The following PTK2B variants were observed in gnomAD, a reference collection of about 807,000 sequenced individuals.
PTK2B encodes protein-tyrosine kinase 2-beta.
In PTK2B, 71 loss-of-function variants were observed where a neutral mutation model predicts 142.9. The ratio of observed to expected loss-of-function variants is 0.50; its 90% CI spans 0.41 to 0.61. PTK2B has a LOEUF of 0.61. Ranked by LOEUF, PTK2B falls within the 20% of genes least tolerant of loss-of-function variation. PTK2B has a pLI of 0.00. For missense variants in PTK2B, 1,105 were observed against 1,320.4 expected, an observed-to-expected ratio of 0.84 and a Z score of 2.53; for synonymous variants, 519 against 503.4, an observed-to-expected ratio of 1.03 and a Z score of -0.42.
rs202112370 is a variant in PTK2B, at chr8:27,403,785, CTCT to C, written c.204+6005_204+6007del. Among the ~76,000 whole-genome samples, 585 of 151,766 alleles carry C rather than the reference CTCT, an allele frequency of 3.9e-3. 9 individuals carry two copies. Among genetic ancestry groups the C allele is most frequent in the East Asian group, 0.036 (184 of 5,152 alleles). On this transcript the variant is annotated intron_variant, in intron 2 of 30. Transcript: ENST00000346049. ...GCTGCTGCTGCTCCTCCTCCTCCTC[CTCT>C]TCTTCTTTCTTTGTTCTTCTTTCTT...
At chr8:27,443,154 G>A (rs1321270601) in intron 22 of PTK2B, among the ~76,000 whole-genome samples, 171 bp downstream of exon 22, 1 of 152,236 alleles carries the variant, frequency 6.6e-6, no homozygotes, top group African/African-American at 2.4e-5. Flanking sequence ...CCTGGCAGGT[G>A]GACTTGGAGA....
At chr8:27,342,848 G>A (rs1804490069) in intron 1 of PTK2B, among the ~76,000 whole-genome samples, 1 of 152,216 alleles carries the variant, frequency 6.6e-6, no homozygotes, top group Non-Finnish European at 1.5e-5. Context: ...CATAGAAGAT[G>A]TATTCCATCC....
At chr8:27,349,624 A>G (rs1355175266) in intron 1 of PTK2B, among the ~76,000 whole-genome samples, 2 of 152,256 alleles carry the variant, frequency 1.3e-5, no homozygotes, top group Non-Finnish European at 2.9e-5. Flanking sequence ...AAATGGAGCG[A>G]AGAGCACCTG....
At chr8:27,437,064 G>T in intron 15 of PTK2B, 58 bp from the exon 16 acceptor site, 1 of 1,541,072 alleles carries the variant, frequency 6.5e-7, no homozygotes. Flanking sequence ...GGCCAGGAGG[G>T]AACATTCTGC....
At chr8:27,337,680 T>G (rs1295454687) in intron 1 of PTK2B, among the ~76,000 whole-genome samples, 1 of 152,254 alleles carries the variant, frequency 6.6e-6, no homozygotes, top group African/African-American at 2.4e-5. Context: ...TTGTAACATC[T>G]ATTAGTACTT....
intron 1 of PTK2B, among the ~76,000 whole-genome samples, chr8:27,373,861 T>C (rs557398079): frequency 6.6e-6 from 1 of 151,748 alleles, no homozygotes; most frequent in South Asian, 2.1e-4. Flanking sequence ...AGCCACAGAA[T>C]AGTGAAAAAT....
At chr8:27,397,222 C>T (rs914133761) in intron 1 of PTK2B, among the ~76,000 whole-genome samples, 6 of 152,224 alleles carry the variant, frequency 3.9e-5, no homozygotes, top group African/African-American at 1.4e-4. Context: ...TCTCTCACAG[C>T]TGCCTTTGCT....
intron 1 of PTK2B, among the ~76,000 whole-genome samples, chr8:27,367,442 T>C (rs2130865072): frequency 6.6e-6 from 1 of 152,314 alleles, no homozygotes; most frequent in Admixed American, 6.5e-5. Context: ...TGTCCATGTT[T>C]AGCCAAGTGT....
chr8:27,374,337 A>C (rs1036939190), intron 1 of PTK2B, among the ~76,000 whole-genome samples: 4 of 152,272 alleles, frequency 2.6e-5, no homozygotes, highest in Non-Finnish European at 4.4e-5. Flanking sequence ...ATGGTAGGAC[A>C]TGCAGATGCA....
intron 1 of PTK2B, among the ~76,000 whole-genome samples, chr8:27,356,020 C>CAA (rs771855049): frequency 5.6e-5 from 6 of 106,362 alleles, no homozygotes; most frequent in Admixed American, 9.7e-5. Context: ...AAGACTGTCT[C>CAA]AAAAAAAAAA....
intron 3 of PTK2B, among the ~76,000 whole-genome samples, chr8:27,314,248 A>G (rs1168429433): frequency 1.3e-5 from 2 of 152,360 alleles, no homozygotes; most frequent in East Asian, 3.9e-4. Context: ...TTAGGTCTTC[A>G]TTCTGAAGGC....
intron 2 of PTK2B, among the ~76,000 whole-genome samples, chr8:27,408,138 C>CT (rs1334574875): frequency 6.6e-6 from 1 of 152,210 alleles, no homozygotes; most frequent in Non-Finnish European, 1.5e-5. Context: ...CAGCCCCACT[C>CT]TCCCCCGAGG....
Position 27,437,463 on chromosome 8 carries a change from C to G in PTK2B, c.1494C>G (p.Thr498=). The change falls in exon 17 of 31, where the codon ACC becomes ACG. Residue 498 remains threonine, a synonymous_variant. Transcript: ENST00000346049. ...TCGGCATCATTGAAGAGGAGCCCAC[C>G]TGGATCATCATGGAATTGTATCCCT... is the stretch of plus-strand genomic sequence containing the variant. ...KLIGIIEEEP[T]WIIMELYPYG... 1 of 1,612,862 alleles carries G rather than the reference C, an allele frequency of 6.2e-7. No homozygotes were observed. The highest frequency in any genetic ancestry group is 1.1e-5 in the South Asian group (1 of 90,934).
intron 1 of PTK2B, among the ~76,000 whole-genome samples, chr8:27,366,792 TTGTGGCTG>T (rs1162678210): frequency 6.6e-6 from 1 of 151,302 alleles, no homozygotes; most frequent in African/African-American, 2.4e-5. Flanking sequence ...CAAGGGGTGT[TTGTGGCTG>T]TGTGGCTGTG....
intron 2 of PTK2B, among the ~76,000 whole-genome samples, chr8:27,411,723 G>C (rs1017544734): frequency 1.3e-5 from 2 of 152,146 alleles, no homozygotes; most frequent in African/African-American, 4.8e-5. Flanking sequence ...GTGCCTAAAG[G>C]ATTGGCACAC....
chr8:27,435,470 C>G (rs1310667926), intron 13 of PTK2B, among the ~76,000 whole-genome samples: 2 of 152,258 alleles, frequency 1.3e-5, no homozygotes, highest in Non-Finnish European at 2.9e-5. Context: ...TCCCCCAATA[C>G]TCATTTCATA....
At chr8:27,410,431 A>G (rs564656771) in intron 2 of PTK2B, among the ~76,000 whole-genome samples, 1 of 152,352 alleles carries the variant, frequency 6.6e-6, no homozygotes, top group African/African-American at 2.4e-5. Context: ...CTCAATATGG[A>G]TGGCCCCTAG....
intron 27 of PTK2B, 134 bp downstream of exon 27, chr8:27,451,643 C>A: frequency 6.5e-7 from 1 of 1,529,110 alleles, no homozygotes; most frequent in South Asian, 1.3e-5. Context: ...TGATTTAATT[C>A]AGAGCATGTG....
At chr8:27,340,823 T>C (rs1361784903) in intron 1 of PTK2B, among the ~76,000 whole-genome samples, 3 of 152,180 alleles carry the variant, frequency 2.0e-5, no homozygotes, top group Non-Finnish European at 2.9e-5. Context: ...GCATTGAAGC[T>C]GTCCATGCTG....
Sources: allele counts gnomAD v4.1 joint callset (sites outside exome capture counted in the v4.1 genomes callset), GRCh38; gene constraint gnomAD v4.1.1; transcripts MANE v1.5; gene names NCBI Gene and HGNC (gene_info 2026-07-23, HGNC 2026-07-21).